Variants in TPD52L1 observed in about 807,000 individuals in gnomAD.
TPD52L1 encodes the protein tumor protein D53.
A neutral mutation model predicts 28.7 loss-of-function variants in TPD52L1; 18 were observed. The observed-to-expected ratio is 0.63, with a 90% CI of 0.43 to 0.93. The LOEUF (loss-of-function observed/expected upper bound fraction) is 0.93. Among genes scored for constraint, TPD52L1 ranks in the 40% least tolerant of loss-of-function variants. The pLI, the probability that TPD52L1 is intolerant of heterozygous loss-of-function variation, is 0.00. For missense variants in TPD52L1, 203 were observed against 254.8 expected (o/e 0.80, Z 1.39); for synonymous variants, 75 against 88.8 (o/e 0.84, Z 0.88).
intron 1 of TPD52L1, among the ~76,000 whole-genome samples, chr6:125,172,149 TTTCTTTCTTTTC>T (rs1268999712): frequency 0.028 from 1,890 of 68,536 alleles, 7 homozygotes; most frequent in Middle Eastern, 0.075. Flanking sequence ...TCTTTCTTTC[TTTCTTTCTTTTC>T]TTTCTTTCTT....
At chr6:125,218,696 A>G (rs1341379419) in intron 1 of TPD52L1, among the ~76,000 whole-genome samples, 1 of 152,196 alleles carries the variant, frequency 6.6e-6, no homozygotes, top group Non-Finnish European at 1.5e-5. Context: ...GTCTTCTAAA[A>G]TGTTTATAGT....
chr6:125,191,529 T>A (rs540034920), intron 1 of TPD52L1, among the ~76,000 whole-genome samples: 8 of 152,228 alleles, frequency 5.3e-5, no homozygotes, highest in Non-Finnish European at 8.8e-5. Context: ...CAGAGGAACC[T>A]ACCCATTGTG....
chr6:125,172,512 CTATATATATATATATATATATATA>C lies in TPD52L1; in HGVS notation c.19+18559_19+18582del, dbSNP rs60135828. Among the ~76,000 whole-genome samples the C allele has an allele frequency of 2.7e-3, 44 of 16,408 alleles. 4 individuals are homozygous for C. The highest frequency in any genetic ancestry group is 8.0e-3 in the African/African-American group (35 of 4,360). The allele number at this position is 16,408 out of a possible 152,430, so 10.8% of individuals were successfully genotyped here. Reference sequence around the variant, plus strand: ...TTAGCAGCTATTTCCCTCTTTCATGCTATATATATATATATATATATATATATATATATATATATAATATATATA... The same window carrying C: ...TTAGCAGCTATTTCCCTCTTTCATGCTATATATATATATATAATATATATA... On this transcript the variant is annotated intron_variant, in intron 1 of 6. Coordinates refer to ENST00000534000, the MANE Select transcript of TPD52L1 (RefSeq NM_003287.4).
intron 3 of TPD52L1, among the ~76,000 whole-genome samples, chr6:125,246,242 G>A (rs1796916086): frequency 6.6e-6 from 1 of 152,164 alleles, no homozygotes; most frequent in Non-Finnish European, 1.5e-5. Context: ...GGAATTCAGA[G>A]GCAGGTGGTT....
chr6:125,205,581 A>G (rs3823226), intron 1 of TPD52L1, among the ~76,000 whole-genome samples: 36,240 of 152,160 alleles, frequency 0.24, 5,270 homozygotes, highest in Admixed American at 0.38. Flanking sequence ...TTGGCCACAG[A>G]GATAATAATT....
intron 1 of TPD52L1, among the ~76,000 whole-genome samples, chr6:125,168,399 T>C (rs909771017): frequency 6.6e-6 from 1 of 152,022 alleles, no homozygotes; most frequent in Non-Finnish European, 1.5e-5. Context: ...CTGAGTACCC[T>C]CACCCCTCAA....
intron 2 of TPD52L1, among the ~76,000 whole-genome samples, chr6:125,223,012 CT>C (rs140837535): frequency 0.049 from 7,531 of 152,262 alleles, 348 homozygotes; most frequent in African/African-American, 0.12. Context: ...AAGACCTTAA[CT>C]TTTCAGCTTC....
intron 1 of TPD52L1, among the ~76,000 whole-genome samples, chr6:125,197,185 A>G: frequency 6.6e-6 from 1 of 152,224 alleles, no homozygotes; most frequent in East Asian, 1.9e-4. Flanking sequence ...TTCTCTTTGA[A>G]TAAGCCTCCT....
At chr6:125,190,886 C>T (rs1215345631) in intron 1 of TPD52L1, among the ~76,000 whole-genome samples, 1 of 152,194 alleles carries the variant, frequency 6.6e-6, no homozygotes, top group African/African-American at 2.4e-5. Context: ...CCACTCACCT[C>T]CTGCTGTGCG....
intron 6 of TPD52L1, among the ~76,000 whole-genome samples, chr6:125,258,078 A>G (rs1797708665): frequency 6.6e-6 from 1 of 152,150 alleles, no homozygotes; most frequent in African/African-American, 2.4e-5. Flanking sequence ...GTGCTGCCTG[A>G]TAAGTATATG....
chr6:125,219,917 G>A, intron 1 of TPD52L1, 161 bp from the exon 2 acceptor site: 2 of 680,890 alleles, frequency 2.9e-6, no homozygotes, highest in South Asian at 1.5e-5. Flanking sequence ...CTTTCTTGGA[G>A]CTCGTCACAC....
chr6:125,203,751 A>G (rs1047853329), intron 1 of TPD52L1: 16 of 985,340 alleles, frequency 1.6e-5, no homozygotes, highest in Non-Finnish European at 1.8e-5. Flanking sequence ...GAAGTTCTAC[A>G]CAGACCCTGG....
At chr6:125,178,961 C>T (rs1483193398) in intron 1 of TPD52L1, among the ~76,000 whole-genome samples, 3 of 152,176 alleles carry the variant, frequency 2.0e-5, no homozygotes, top group East Asian at 3.9e-4. Flanking sequence ...TCCCTGACTT[C>T]CAAAGGGAAA....
In TPD52L1 at chr6:125,154,438, C is replaced by A. The variant is rs1789977086; in HGVS notation, c.19+468C>A. On this transcript the variant is annotated intron_variant, in intron 1 of 6. Coordinates refer to ENST00000534000, the MANE Select transcript of TPD52L1 (RefSeq NM_003287.4). ...GGATCGCCCGCCGAGGGGGTGGCTC[C>A]GCAGCCCGGCTGCGCGAGACGCTTC... 6 of 987,466 alleles carry A rather than the reference C, an allele frequency of 6.1e-6. No homozygotes were observed. In the South Asian group the frequency reaches 2.3e-4, roughly 39 times the overall value. 61.2% of individuals were successfully genotyped at this position (987,466 alleles called of 1,614,324 possible).
intron 1 of TPD52L1, chr6:125,203,867 GT>G: frequency 1.2e-6 from 1 of 843,574 alleles, no homozygotes; most frequent in Non-Finnish European, 1.4e-6. Context: ...TTCTAAAACA[GT>G]TTATAAACAA....
intron 1 of TPD52L1, among the ~76,000 whole-genome samples, chr6:125,179,381 C>T (rs1354795624): frequency 6.6e-6 from 1 of 152,238 alleles, no homozygotes; most frequent in Non-Finnish European, 1.5e-5. Context: ...TCCCACTCAG[C>T]CTCTTGATTG....
At chr6:125,256,044 G>A (rs1289475094) in intron 5 of TPD52L1, among the ~76,000 whole-genome samples, 1 of 152,080 alleles carries the variant, frequency 6.6e-6, no homozygotes, top group Non-Finnish European at 1.5e-5. Flanking sequence ...CAATGAATGA[G>A]TCACAAATAA....
At chr6:125,253,863 G>T in intron 5 of TPD52L1, 108 bp downstream of exon 5, 1 of 1,072,018 alleles carries the variant, frequency 9.3e-7, no homozygotes, top group South Asian at 1.2e-5. Flanking sequence ...AAAGGAAATT[G>T]CTGATGGTCT....
At chr6:125,260,940 GAA>G (rs1314656598) in intron 6 of TPD52L1, 1 of 48,398 alleles carries the variant, frequency 2.1e-5, no homozygotes, top group Non-Finnish European at 3.3e-5. Context: ...AAGAAAGAAA[GAA>G]AGAAAGAAAG....
Sources: gnomAD v4.1 joint callset for allele counts (sites outside exome capture counted in the v4.1 genomes callset) on GRCh38, gnomAD v4.1.1 for gene constraint, MANE v1.5 for transcripts, NCBI Gene and HGNC (gene_info 2026-07-23, HGNC 2026-07-21) for gene names.